The following RBMXL1 variants were observed in gnomAD, a reference collection of about 807,000 sequenced individuals.
RBMXL1 encodes the protein RBMX like 1.
In RBMXL1, 18 loss-of-function variants were observed where a neutral mutation model predicts 29.0. The ratio of observed to expected loss-of-function variants is 0.62; its 90% CI spans 0.43 to 0.92. The LOEUF is 0.92. Among genes scored for constraint, RBMXL1 ranks in the 40% least tolerant of loss-of-function variants. RBMXL1 has a pLI of 0.00. For synonymous variants in RBMXL1, 141 were observed against 170.4 expected, an observed-to-expected ratio of 0.83 and a Z score of 1.34; for missense variants, 403 against 495.8, an observed-to-expected ratio of 0.81 and a Z score of 1.78.
At chr1:88,984,822 A>C (rs1233843384) in intron 2 of RBMXL1, among the ~76,000 whole-genome samples, 1 of 152,144 alleles carries the variant, frequency 6.6e-6, no homozygotes, top group African/African-American at 2.4e-5. Flanking sequence ...TAGCATTTTG[A>C]TTATCTTCCC....
chr1:88,983,056 T>A lies in RBMXL1; in HGVS notation c.771A>T (p.Ser257=). Residue 257 remains serine (S), a synonymous_variant, in exon 3 of 3, where the codon TCA becomes TCT. Transcript: ENST00000652648. ...GHSSSRDDYP[S]RGYGDRDGYG... ...ATCCATCTCTATCGCCATAGCCTCT[T>A]GATGGATAGTCATCACGTGAACTGG... The A allele has an allele frequency of 6.2e-7, 1 of 1,612,658 alleles. No homozygotes were observed. Among genetic ancestry groups the A allele is most frequent in the Non-Finnish European group, 8.5e-7 (1 of 1,180,020 alleles).
chr1:88,984,537 G>A (rs1677331162), intron 2 of RBMXL1, among the ~76,000 whole-genome samples: 1 of 152,120 alleles, frequency 6.6e-6, no homozygotes, highest in East Asian at 1.9e-4. Context: ...ACAACATATA[G>A]TTTGTTACTT....
intron 2 of RBMXL1, among the ~76,000 whole-genome samples, chr1:88,987,883 A>G (rs1025972187): frequency 2.6e-5 from 4 of 152,198 alleles, no homozygotes; most frequent in African/African-American, 9.7e-5. Flanking sequence ...AAGTTCCTAA[A>G]GCAGATGTAC....
chr1:88,991,588 C>T (rs1467999574), intron 1 of RBMXL1, among the ~76,000 whole-genome samples: 1 of 152,212 alleles, frequency 6.6e-6, no homozygotes, highest in Non-Finnish European at 1.5e-5. Flanking sequence ...GAAGGATGCG[C>T]TTCAAAGCCA....
rs1387715905 is a variant in RBMXL1, at chr1:88,982,068, G to A, written c.*586C>T. The A allele has an allele frequency of 1.0e-6, 1 of 985,544 alleles. No homozygotes were observed. Among genetic ancestry groups the A allele is most frequent in the Non-Finnish European group, 1.2e-6 (1 of 829,572 alleles). The allele number at this position is 985,544 out of a possible 1,614,324, so 61.0% of individuals were successfully genotyped here. A position where few individuals can be genotyped will look rare whatever the true frequency, so the allele number is the denominator to read the frequency against. Reference sequence around the variant, plus strand: ...AGGGGAGGTTCTTGCAGATTCCCAAGGAAATGTCAGAAAGGCAAAATGGCC... The same window carrying A: ...AGGGGAGGTTCTTGCAGATTCCCAAAGAAATGTCAGAAAGGCAAAATGGCC... On this transcript the variant is annotated 3_prime_UTR_variant, in exon 3 of 3. Transcript: ENST00000652648.
intron 1 of RBMXL1, among the ~76,000 whole-genome samples, chr1:88,992,118 A>G (rs968358271): frequency 6.6e-6 from 1 of 151,680 alleles, no homozygotes; most frequent in Non-Finnish European, 1.5e-5. Flanking sequence ...AGCTGGGACT[A>G]CAGGCGCCCG....
Position 88,983,449 on chromosome 1 carries a change from T to C in RBMXL1, c.378A>G (p.Gly126=). The C allele has an allele frequency of 1.9e-6, 3 of 1,614,204 alleles. No individual in the cohort carries two copies. The highest frequency in any genetic ancestry group is 2.5e-6 in the Non-Finnish European group (3 of 1,180,046). The part of the protein sequence containing the change: ...SGGTRGPPSR[G]GHMDDGGYSM... ...AATATCCACCATCATCCATGTGTCC[T>C]CCTCGTGAAGGAGGTCCCCTGGTTC... The change falls in exon 3 of 3, where the codon GGA becomes GGG. Residue 126 remains glycine (G), a synonymous_variant. Coordinates refer to ENST00000652648, the MANE Select transcript of RBMXL1 (RefSeq NM_001162536.3).
chr1:88,987,271 G>A (rs1162653687), intron 2 of RBMXL1, among the ~76,000 whole-genome samples: 1 of 152,102 alleles, frequency 6.6e-6, no homozygotes, highest in Non-Finnish European at 1.5e-5. Context: ...TCACCTTGGG[G>A]AAGCACAACC....
Position 88,981,436 on chromosome 1 carries a change from C to T in RBMXL1, c.*1218G>A, listed in dbSNP as rs576863892. 2.8e-3 allele frequency: 430 copies of T among 152,964 alleles called. 3 individuals are homozygous for T. The highest frequency in any genetic ancestry group is 3.9e-3 in the Non-Finnish European group (264 of 68,222). The allele number at this position is 152,964 out of a possible 1,614,324, so 9.5% of individuals were successfully genotyped here. On this transcript the variant is annotated 3_prime_UTR_variant, in exon 3 of 3. Coordinates refer to ENST00000652648, the MANE Select transcript of RBMXL1 (RefSeq NM_001162536.3). ...AAGGACCACGAGAACCTCCTGACTA[C>T]CTCCACTTACCAATTTCCTTAATTA... is the stretch of plus-strand genomic sequence containing the variant.
chr1:88,986,514 A>G (rs552374437), intron 2 of RBMXL1, among the ~76,000 whole-genome samples: 37 of 125,924 alleles, frequency 2.9e-4, no homozygotes, highest in African/African-American at 1.1e-3. Flanking sequence ...CTGGTCTTGA[A>G]CTCCTGGTCT....
chr1:88,991,960 G>A (rs755360742), intron 1 of RBMXL1, among the ~76,000 whole-genome samples: 6 of 150,424 alleles, frequency 4.0e-5, no homozygotes, highest in Admixed American at 2.7e-4. Context: ...ATAAGGCAAC[G>A]TAACAGCCTT....
At position 88,982,757 on chromosome 1, in the gene RBMXL1, G is replaced by A; in HGVS notation, c.1070C>T (p.Pro357Leu). The change falls in exon 3 of 3, where the codon CCT (proline) becomes CTT (leucine). Residue 357 changes from proline to leucine, a missense_variant. Transcript: ENST00000652648. ...ACTGCTGTAGGAATCACGTGAAGAA[G>A]GGTACCCCCTTTCTACAGAAGGGGG... is the stretch of plus-strand genomic sequence containing the variant. Reference protein sequence around the residue: ...GLPPSVERGYPSSRDSYSSSS... With the variant: ...GLPPSVERGYLSSRDSYSSSS... 1.2e-6 allele frequency: 2 copies of A among 1,613,928 alleles called. No homozygotes were observed. Among genetic ancestry groups the A allele is most frequent in the Non-Finnish European group, 1.7e-6 (2 of 1,179,866 alleles).
intron 1 of RBMXL1, among the ~76,000 whole-genome samples, chr1:88,990,678 T>C (rs1458595481): frequency 6.6e-6 from 1 of 152,158 alleles, no homozygotes; most frequent in Admixed American, 6.5e-5. Context: ...TATGACCCTC[T>C]CACTAGGTAA....
chr1:88,988,165 T>C (rs1677579226), intron 2 of RBMXL1, 87 bp downstream of exon 2: 1 of 805,614 alleles, frequency 1.2e-6, no homozygotes, highest in East Asian at 2.6e-5. Flanking sequence ...CAATAAAGTA[T>C]TTGTAAAAAA....
chr1:88,987,171 T>C lies in RBMXL1; in HGVS notation c.-241+1081A>G, dbSNP rs116999823. On this transcript the variant is annotated intron_variant, in intron 2 of 2. Transcript: ENST00000652648. ...AGATATGTAGAATTAGAATGCATAA[T>C]GGTGAGCCCTGGCATACGTAGTCTA... is the stretch of plus-strand genomic sequence containing the variant. 2.6e-5 allele frequency among the ~76,000 whole-genome samples: 4 copies of C among 152,350 alleles called. No homozygotes were observed. The East Asian group carries it at 7.7e-4, about 29-fold the overall frequency.
At chr1:88,984,302 C>T (rs948496882) in intron 2 of RBMXL1, among the ~76,000 whole-genome samples, 2 of 147,066 alleles carry the variant, frequency 1.4e-5, no homozygotes, top group African/African-American at 5.0e-5. Flanking sequence ...GCAACCTCTG[C>T]CTCCCAGGCT....
chr1:88,991,919 T>C (rs1677819732), intron 1 of RBMXL1, among the ~76,000 whole-genome samples: 2 of 151,878 alleles, frequency 1.3e-5, no homozygotes, highest in Non-Finnish European at 2.9e-5. Flanking sequence ...CTGTTTTAAC[T>C]ACAAATGTTG....
At chr1:88,986,021 A>G (rs1677427961) in intron 2 of RBMXL1, among the ~76,000 whole-genome samples, 1 of 152,048 alleles carries the variant, frequency 6.6e-6, no homozygotes, top group South Asian at 2.1e-4. Context: ...TCTCTACAAA[A>G]AATACAAATA....
Position 88,979,726 on chromosome 1 carries a change from A to G in RBMXL1, c.*2928T>C, listed in dbSNP as rs1676980445. On this transcript the variant is annotated 3_prime_UTR_variant, in exon 3 of 3. Transcript: ENST00000652648. ...TCTATACAACCCTGGTGGGAATATA[A>G]AAGGGTATAGCCCCTTTGGAAAACA... 1 of 152,244 alleles carries G rather than the reference A, an allele frequency of 6.6e-6. No homozygotes were observed. The highest frequency in any genetic ancestry group is 2.4e-5 in the African/African-American group (1 of 41,466). 9.4% of individuals were successfully genotyped at this position (152,244 alleles called of 1,614,324 possible). A position where few individuals can be genotyped will look rare whatever the true frequency, so the allele number is the denominator to read the frequency against.
Sources: allele counts gnomAD v4.1 joint callset (sites outside exome capture counted in the v4.1 genomes callset), GRCh38; gene constraint gnomAD v4.1.1; transcripts MANE v1.5; gene names NCBI Gene and HGNC (gene_info 2026-07-23, HGNC 2026-07-21).